ITPR1: variants seen among roughly 807,000 people sequenced by gnomAD.
The protein encoded by ITPR1 is inositol 1,4,5-trisphosphate receptor type 1, also known as inositol 1,4,5-trisphosphate-gated calcium channel ITPR1.
Under a neutral mutation model 318.4 loss-of-function variants are expected in ITPR1, and 96 were observed. The ratio of observed to expected loss-of-function variants is 0.30; its 90% CI spans 0.26 to 0.36. The LOEUF is 0.36. Among genes scored for constraint, ITPR1 ranks in the 10% least tolerant of loss-of-function variants. The pLI, the probability that ITPR1 is intolerant of heterozygous loss-of-function variation, is 1.00. For missense variants in ITPR1, 2,440 were observed against 3,460.2 expected (o/e 0.71, Z 7.40); for synonymous variants, 1,312 against 1,289.9 (o/e 1.02, Z -0.37).
At chr3:4,762,532 C>T (rs1306968068) in intron 44 of ITPR1, among the ~76,000 whole-genome samples, 2 of 152,216 alleles carry the variant, frequency 1.3e-5, no homozygotes, top group South Asian at 2.1e-4. Context: ...GGATCACCTT[C>T]ACCTTGGAGT....
chr3:4,802,586 G>T lies in ITPR1; in HGVS notation c.7107+1986G>T, dbSNP rs1187413764. Among the ~76,000 whole-genome samples the T allele has an allele frequency of 6.6e-5, 10 of 152,250 alleles. No homozygotes were observed. The East Asian group carries it at 1.7e-3, about 26-fold the overall frequency. On this transcript the variant is annotated intron_variant, in intron 54 of 61. Transcript: ENST00000649015. ...GCCTGTAATCCCAGCACTTTGGGAGGCCAAGGCGGGAAAATTGCTTGAGGC... is the reference window on the plus strand; with the variant it reads ...GCCTGTAATCCCAGCACTTTGGGAGTCCAAGGCGGGAAAATTGCTTGAGGC...
intron 51 of ITPR1, among the ~76,000 whole-genome samples, chr3:4,787,507 C>T (rs915284973): frequency 6.9e-6 from 1 of 145,900 alleles, no homozygotes; most frequent in African/African-American, 2.6e-5. Context: ...CCAGCCTGGC[C>T]AACATAGTAA....
At chr3:4,683,588 A>G (rs1333428076) in intron 27 of ITPR1, 37 bp downstream of exon 27, 8 of 1,613,948 alleles carry the variant, frequency 5.0e-6, no homozygotes, top group Non-Finnish European at 5.9e-6. Flanking sequence ...TGTCTGTCCA[A>G]GAAGCTGTTG....
At chr3:4,774,970 G>C (rs1335026806) in intron 46 of ITPR1, among the ~76,000 whole-genome samples, 1 of 152,164 alleles carries the variant, frequency 6.6e-6, no homozygotes, top group Non-Finnish European at 1.5e-5. Context: ...GAGAAATGAG[G>C]ACTCAAAAAG....
chr3:4,697,328 G>A, intron 34 of ITPR1, 56 bp downstream of exon 34: 2 of 1,343,138 alleles, frequency 1.5e-6, no homozygotes, highest in East Asian at 2.6e-5. Flanking sequence ...GTGTGTGTGT[G>A]TGTGTGTGTG....
At chr3:4,786,759 C>A (rs1380042816) in intron 51 of ITPR1, among the ~76,000 whole-genome samples, 2 of 152,168 alleles carry the variant, frequency 1.3e-5, no homozygotes, top group Admixed American at 6.5e-5. Context: ...GGTGTCCACC[C>A]CTGGGGCCCA....
intron 4 of ITPR1, among the ~76,000 whole-genome samples, chr3:4,538,359 G>A (rs1390031688): frequency 6.6e-6 from 1 of 152,060 alleles, no homozygotes; most frequent in African/African-American, 2.4e-5. Flanking sequence ...ACCATCTCAC[G>A]CCAGTCAGAA....
chr3:4,754,324 C>T (rs1452301039), intron 44 of ITPR1, among the ~76,000 whole-genome samples: 1 of 152,182 alleles, frequency 6.6e-6, no homozygotes, highest in Admixed American at 6.5e-5. Context: ...GCACTGGACC[C>T]TCCTCCCGGG....
intron 24 of ITPR1, among the ~76,000 whole-genome samples, chr3:4,678,539 C>T (rs537494675): frequency 2.6e-5 from 4 of 152,256 alleles, no homozygotes; most frequent in African/African-American, 7.2e-5. Context: ...AAAAATGATT[C>T]GAACAGGGGC....
intron 4 of ITPR1, among the ~76,000 whole-genome samples, chr3:4,588,790 C>T (rs1473524950): frequency 1.3e-5 from 2 of 152,096 alleles, no homozygotes; most frequent in Non-Finnish European, 2.9e-5. Context: ...AAACCTGTTC[C>T]ATCCCTGGTC....
chr3:4,524,602 C>T (rs556382324), intron 4 of ITPR1, among the ~76,000 whole-genome samples: 25 of 152,326 alleles, frequency 1.6e-4, no homozygotes, highest in South Asian at 8.3e-4. Flanking sequence ...TGGGTTTGCT[C>T]TTGCTTCCAT....
intron 4 of ITPR1, among the ~76,000 whole-genome samples, chr3:4,607,918 A>T (rs908092232): frequency 6.6e-6 from 1 of 152,140 alleles, no homozygotes; most frequent in African/African-American, 2.4e-5. Context: ...ATGGCTGCCA[A>T]TTGATTATGT....
At chr3:4,691,095 G>C (rs149514907) in intron 31 of ITPR1, 49 bp from the exon 32 acceptor site, 669 of 1,333,394 alleles carry the variant, frequency 5.0e-4, no homozygotes, top group Middle Eastern at 2.8e-3. Context: ...AATCTGTTCT[G>C]TCAGCTTTTT....
intron 11 of ITPR1, among the ~76,000 whole-genome samples, chr3:4,653,093 CTG>C (rs1319225496): frequency 6.6e-6 from 1 of 152,194 alleles, no homozygotes. Context: ...AGCCATCCTA[CTG>C]TGTGACATGT....
intron 2 of ITPR1, among the ~76,000 whole-genome samples, chr3:4,507,120 G>C (rs955244130): frequency 7.3e-6 from 1 of 137,570 alleles, no homozygotes; most frequent in Non-Finnish European, 1.5e-5. Context: ...TTTTTTTTGC[G>C]AATCACTTTG....
At chr3:4,807,322 A>G (rs1369206697) in intron 55 of ITPR1, among the ~76,000 whole-genome samples, 2 of 152,228 alleles carry the variant, frequency 1.3e-5, no homozygotes, top group South Asian at 2.1e-4. Flanking sequence ...GCAGTTCAGC[A>G]TCAGAAGCTG....
At chr3:4,567,224 C>A (rs778153827) in intron 4 of ITPR1, among the ~76,000 whole-genome samples, 5 of 152,298 alleles carry the variant, frequency 3.3e-5, no homozygotes, top group Non-Finnish European at 7.3e-5. Flanking sequence ...CTGAGTAACA[C>A]TGGACAATTT....
chr3:4,735,986 TA>T (rs2043237621), intron 44 of ITPR1, among the ~76,000 whole-genome samples: 1 of 152,218 alleles, frequency 6.6e-6, no homozygotes, highest in Non-Finnish European at 1.5e-5. Context: ...TAGATGTCCT[TA>T]AAAAACAATT....
chr3:4,835,083 A>G (rs144458560), intron 60 of ITPR1, among the ~76,000 whole-genome samples: 2 of 152,308 alleles, frequency 1.3e-5, no homozygotes, highest in African/African-American at 4.8e-5. Context: ...TCCTGCCTTC[A>G]TAAAGCTCAC....
Sources: gnomAD v4.1 joint callset for allele counts (sites outside exome capture counted in the v4.1 genomes callset) on GRCh38, gnomAD v4.1.1 for gene constraint, MANE v1.5 for transcripts, NCBI Gene and HGNC (gene_info 2026-07-23, HGNC 2026-07-21) for gene names.